PAK1: variants seen among roughly 807,000 people sequenced by gnomAD.
The protein encoded by PAK1 is p21 (RAC1) activated kinase 1.
PAK1 carries 29 observed loss-of-function variants against 67.4 expected under a neutral mutation model. The ratio of observed to expected loss-of-function variants is 0.43; its 90% CI spans 0.32 to 0.59. PAK1 has a LOEUF of 0.59. Among genes scored for constraint, PAK1 ranks in the 20% least tolerant of loss-of-function variants. The pLI is 0.07. For missense variants in PAK1, 337 were observed against 670.7 expected, an observed-to-expected ratio of 0.50 and a Z score of 5.50; for synonymous variants, 223 against 237.4, an observed-to-expected ratio of 0.94 and a Z score of 0.56.
At chr11:77,456,773 G>A (rs916600314) in intron 1 of PAK1, among the ~76,000 whole-genome samples, 1 of 150,730 alleles carries the variant, frequency 6.6e-6, no homozygotes, top group East Asian at 1.9e-4. Context: ...ACGGAGTCTC[G>A]CACTGCCACC....
intron 4 of PAK1, 63 bp downstream of exon 4, chr11:77,379,178 G>A (rs1949498915): frequency 7.3e-7 from 1 of 1,366,302 alleles, no homozygotes; most frequent in South Asian, 1.5e-5. Flanking sequence ...ATAGGCATGT[G>A]AGCTTTCCCA....
chr11:77,495,524 C>A, the PAK1 span, among the ~76,000 whole-genome samples: 2 of 152,078 alleles, frequency 1.3e-5, no homozygotes, highest in Admixed American at 6.6e-5. Context: ...ATTATCCAGC[C>A]AGTCCACTTC....
intron 1 of PAK1, among the ~76,000 whole-genome samples, chr11:77,452,341 T>C (rs752188691): frequency 2.8e-4 from 43 of 152,152 alleles, no homozygotes; most frequent in Non-Finnish European, 5.1e-4. Context: ...TCTGCACTCT[T>C]TACACTACCC....
intron 1 of PAK1, among the ~76,000 whole-genome samples, chr11:77,466,237 T>C: frequency 6.6e-6 from 1 of 152,204 alleles, no homozygotes; most frequent in East Asian, 1.9e-4. Context: ...AACACATTTA[T>C]ATGACAGCTA....
At chr11:77,326,247 A>G (rs1939820357) in intron 14 of PAK1, among the ~76,000 whole-genome samples, 1 of 152,238 alleles carries the variant, frequency 6.6e-6, no homozygotes, top group African/African-American at 2.4e-5. Context: ...AGGCAGGAGT[A>G]TAAAAGGCCT....
intron 1 of PAK1, among the ~76,000 whole-genome samples, chr11:77,441,412 T>C (rs1956350760): frequency 6.6e-6 from 1 of 152,162 alleles, no homozygotes; most frequent in South Asian, 2.1e-4. Context: ...AATCCAGTGG[T>C]TTCCAAGCTT....
chr11:77,323,687 C>G (rs1256184526), intron 14 of PAK1, among the ~76,000 whole-genome samples: 1 of 151,980 alleles, frequency 6.6e-6, no homozygotes, highest in African/African-American at 2.4e-5. Flanking sequence ...AGAAAGAACC[C>G]AAATGTCCAA....
At chr11:77,403,221 C>T (rs1243802300) in intron 1 of PAK1, among the ~76,000 whole-genome samples, 4 of 152,178 alleles carry the variant, frequency 2.6e-5, no homozygotes, top group African/African-American at 4.8e-5. Flanking sequence ...TGGCTGCTAT[C>T]GCACATCTTT....
At chr11:77,492,177 G>A in the PAK1 span, among the ~76,000 whole-genome samples, 1 of 151,930 alleles carries the variant, frequency 6.6e-6, no homozygotes, top group Admixed American at 6.6e-5. Flanking sequence ...CTCTCAAAGA[G>A]CTCAAAAGCT....
chr11:77,422,232 C>G (rs2138198082), intron 1 of PAK1, among the ~76,000 whole-genome samples: 1 of 152,206 alleles, frequency 6.6e-6, no homozygotes, highest in Non-Finnish European at 1.5e-5. Context: ...TAAAATCATA[C>G]AGGGTACAAA....
chr11:77,503,572 A>G, the PAK1 span, among the ~76,000 whole-genome samples: 1 of 152,230 alleles, frequency 6.6e-6, no homozygotes, highest in Non-Finnish European at 1.5e-5. Flanking sequence ...TGGAAGTTAT[A>G]AAGTATTAGG....
At chr11:77,349,124 CAAAAA>C (rs34167967) in intron 9 of PAK1, 110 bp downstream of exon 9, 15 of 511,524 alleles carry the variant, frequency 2.9e-5, no homozygotes, top group East Asian at 6.8e-5. Context: ...GACCCCATCC[CAAAAA>C]AAAAAAAAAA....
At chr11:77,342,227 ATT>A (rs35167939) in intron 10 of PAK1, among the ~76,000 whole-genome samples, 166 of 147,810 alleles carry the variant, frequency 1.1e-3, no homozygotes, top group African/African-American at 3.9e-3. Context: ...TTACAGAGGT[ATT>A]TTTTTTTTTT....
At chr11:77,336,371 A>G in intron 12 of PAK1, 89 bp from the exon 13 acceptor site, 1 of 956,396 alleles carries the variant, frequency 1.0e-6, no homozygotes, top group Non-Finnish European at 1.5e-6. Context: ...CATAGGTGAC[A>G]AGATCCGCCT....
chr11:77,332,874 A>G lies in PAK1; in HGVS notation c.1414-7T>C. 1 of 1,613,406 alleles carries G rather than the reference A, an allele frequency of 6.2e-7. No homozygotes were observed. Among genetic ancestry groups the G allele is most frequent in the South Asian group, 1.1e-5 (1 of 91,052 alleles). On this transcript the variant is annotated splice_region_variant and splice_polypyrimidine_tract_variant and intron_variant, in intron 13 of 14. Coordinates refer to ENST00000356341, the MANE Select transcript of PAK1 (RefSeq NM_002576.5). ...TGGCAATGAGGTACAAGGCCTGGCAATAAAAATGGTGAATCACCTTGAGCT... is the reference window on the plus strand; with the variant it reads ...TGGCAATGAGGTACAAGGCCTGGCAGTAAAAATGGTGAATCACCTTGAGCT...
intron 1 of PAK1, among the ~76,000 whole-genome samples, chr11:77,462,969 A>G (rs1386029985): frequency 2.4e-5 from 3 of 123,712 alleles, no homozygotes; most frequent in Admixed American, 7.6e-5. Flanking sequence ...CAACAGTGAG[A>G]AAAAAAAAAA....
chr11:77,490,615 C>T, the PAK1 span, among the ~76,000 whole-genome samples: 8 of 152,314 alleles, frequency 5.3e-5, no homozygotes, highest in Admixed American at 3.3e-4. Context: ...GCCGCCACCC[C>T]GTCTGGGAGG....
the PAK1 span, among the ~76,000 whole-genome samples, chr11:77,480,284 C>CT: frequency 4.6e-5 from 7 of 151,296 alleles, no homozygotes; most frequent in Non-Finnish European, 8.8e-5. Flanking sequence ...AGAGGCTTTT[C>CT]TTTTTTTTTT....
chr11:77,396,584 C>T (rs1023652563), intron 1 of PAK1, among the ~76,000 whole-genome samples: 1 of 152,164 alleles, frequency 6.6e-6, no homozygotes, highest in African/African-American at 2.4e-5. Context: ...AAAAAACTTC[C>T]ATCTGTTAGT....
Sources: gnomAD v4.1 joint callset for allele counts (sites outside exome capture counted in the v4.1 genomes callset) on GRCh38, gnomAD v4.1.1 for gene constraint, MANE v1.5 for transcripts, NCBI Gene and HGNC (gene_info 2026-07-23, HGNC 2026-07-21) for gene names.